TTC23L: variants seen among roughly 807,000 people sequenced by gnomAD.
TTC23L encodes the protein tetratricopeptide repeat protein 23-like.
Under a neutral mutation model 48.1 loss-of-function variants are expected in TTC23L, and 42 were observed. The observed-to-expected ratio is 0.87, with a 90% CI of 0.68 to 1.13. The LOEUF is 1.13. Ranked by LOEUF, TTC23L falls within the 50% of genes most tolerant of loss-of-function variation. The probability of loss-of-function intolerance (pLI) is 0.00; values close to 1 mark genes in which losing one functional copy is unlikely to be tolerated. For synonymous variants in TTC23L, 159 were observed against 157.2 expected (o/e 1.01, Z -0.09); for missense variants, 391 against 421.0 (o/e 0.93, Z 0.62).
chr5:34,850,421 C>G (rs975884589), intron 4 of TTC23L, 113 bp downstream of exon 4: 1 of 1,300,658 alleles, frequency 7.7e-7, no homozygotes, highest in Non-Finnish European at 1.1e-6. Context: ...GCCCCTAGCT[C>G]ACACATTATC....
the TTC23L span, chr5:34,915,785 C>G: frequency 6.3e-7 from 1 of 1,596,856 alleles, no homozygotes; most frequent in Non-Finnish European, 8.5e-7. Context: ...GCAGTTCAGG[C>G]GAAGAAGCCA....
chr5:34,910,837 T>C, the TTC23L span, among the ~76,000 whole-genome samples: 1 of 152,246 alleles, frequency 6.6e-6, no homozygotes, highest in South Asian at 2.1e-4. Context: ...AAAGAGAATA[T>C]TTAGATCCTC....
chr5:34,881,162 G>C (rs1000533052), intron 9 of TTC23L, among the ~76,000 whole-genome samples: 1 of 152,270 alleles, frequency 6.6e-6, no homozygotes, highest in South Asian at 2.1e-4. Context: ...TTCAAATCCA[G>C]CACACATGAT....
chr5:34,846,453 G>T (rs1025540519), intron 3 of TTC23L, among the ~76,000 whole-genome samples: 20 of 149,936 alleles, frequency 1.3e-4, no homozygotes, highest in African/African-American at 4.9e-4. Context: ...CCAGCTACTT[G>T]GGAGGCTGAG....
exon 7 of TTC23L, chr5:34,866,944 G>A: frequency 6.2e-7 from 1 of 1,609,794 alleles, no homozygotes; most frequent in South Asian, 1.1e-5. Flanking sequence ...CTTTGAAAAG[G>A]CAATTGGCGA....
chr5:34,863,158 T>G lies in TTC23L; in HGVS notation c.536+104T>G. On this transcript the variant is annotated intron_variant, in intron 5 of 10. Coordinates refer to ENST00000505624, the Ensembl canonical transcript of TTC23L. This position sits in a 1 kb window ranked among gnomAD's most constrained non-coding sequence, Gnocchi z 4.1. The stretch of plus-strand genomic sequence containing the variant: ...GGTGGGAGATGGAACCAAGGCCTTG[T>G]AGATCTGTTCCAACATCAAGGCCCT... 6.9e-7 allele frequency: 1 copy of G among 1,448,078 alleles called. No individual in the cohort carries two copies. The highest frequency in any genetic ancestry group is 9.5e-7 in the Non-Finnish European group (1 of 1,056,176). The allele number at this position is 1,448,078 out of a possible 1,614,324, so 89.7% of individuals were successfully genotyped here.
chr5:34,921,180 TAA>T, the TTC23L span: 1 of 152,218 alleles, frequency 6.6e-6, no homozygotes, highest in Non-Finnish European at 1.5e-5. Flanking sequence ...ATGTGGAGTT[TAA>T]GAGTACTATA....
chr5:34,904,686 G>A, the TTC23L span, among the ~76,000 whole-genome samples: 1 of 151,950 alleles, frequency 6.6e-6, no homozygotes. Flanking sequence ...TGCATTAAAG[G>A]TCCACTTAAG....
chr5:34,843,113 A>G (rs899936335), intron 2 of TTC23L, among the ~76,000 whole-genome samples: 2 of 152,196 alleles, frequency 1.3e-5, no homozygotes, highest in Admixed American at 6.5e-5. Flanking sequence ...TGGCCTGGAT[A>G]GCATAAGTTT....
At chr5:34,887,202 C>T (rs886199937) in intron 9 of TTC23L, among the ~76,000 whole-genome samples, 1 of 152,066 alleles carries the variant, frequency 6.6e-6, no homozygotes, top group Non-Finnish European at 1.5e-5. Flanking sequence ...AAGAGGAACT[C>T]ATTTTGAAGA....
chr5:34,924,190 A>G, the TTC23L span, among the ~76,000 whole-genome samples: 10 of 152,256 alleles, frequency 6.6e-5, no homozygotes, highest in African/African-American at 1.9e-4. Flanking sequence ...GTTTGGCACG[A>G]TAAGTGCAGA....
At chr5:34,898,294 A>T (rs1352965307) in intron 10 of TTC23L, among the ~76,000 whole-genome samples, 2 of 152,188 alleles carry the variant, frequency 1.3e-5, no homozygotes, top group African/African-American at 4.8e-5. Flanking sequence ...TGATGTGGAA[A>T]ATATTTTGCT....
intron 1 of TTC23L, among the ~76,000 whole-genome samples, chr5:34,840,155 G>C (rs1758494135): frequency 6.6e-6 from 1 of 150,422 alleles, no homozygotes; most frequent in Admixed American, 6.7e-5. Context: ...GCTTCCCACA[G>C]TGCTGGGATT....
chr5:34,868,158 G>A (rs1041906026), intron 7 of TTC23L: 1 of 152,188 alleles, frequency 6.6e-6, no homozygotes, highest in Admixed American at 6.5e-5. Context: ...TAACTCAGCT[G>A]ACATTGTATA....
chr5:34,907,175 T>C, the TTC23L span: 1 of 152,246 alleles, frequency 6.6e-6, no homozygotes, highest in Non-Finnish European at 1.5e-5. Flanking sequence ...TCCAAACCAA[T>C]TTTCTCTAAT....
the TTC23L span, chr5:34,905,557 C>T: frequency 7.2e-6 from 1 of 138,736 alleles, no homozygotes; most frequent in Non-Finnish European, 1.6e-5. Context: ...GGTGGAAGCA[C>T]TACATCATCG....
At chr5:34,850,502 A>G (rs1759588018) in intron 4 of TTC23L, among the ~76,000 whole-genome samples, 194 bp downstream of exon 4, 1 of 152,166 alleles carries the variant, frequency 6.6e-6, no homozygotes, top group Admixed American at 6.5e-5. Context: ...AATGATGATG[A>G]CAGTTATTGA....
intron 9 of TTC23L, among the ~76,000 whole-genome samples, chr5:34,884,012 C>A (rs1762399737): frequency 6.6e-6 from 1 of 152,140 alleles, no homozygotes; most frequent in Non-Finnish European, 1.5e-5. Flanking sequence ...CTCAACAAAA[C>A]ACTAGCAAAC....
At chr5:34,913,012 C>CA in the TTC23L span, among the ~76,000 whole-genome samples, 2 of 152,004 alleles carry the variant, frequency 1.3e-5, no homozygotes, top group Admixed American at 6.6e-5. Context: ...AAAAACACCA[C>CA]AAAATCATTT....
Sources: allele counts gnomAD v4.1 joint callset (sites outside exome capture counted in the v4.1 genomes callset), GRCh38; gene constraint gnomAD v4.1.1; non-coding constraint Gnocchi (gnomAD v3.1); transcripts MANE v1.5; gene names NCBI Gene and HGNC (gene_info 2026-07-23, HGNC 2026-07-21).